The following DYNC1I1 variants were observed in gnomAD, a reference collection of about 807,000 sequenced individuals.
DYNC1I1 encodes cytoplasmic dynein 1 intermediate chain 1.
Under a neutral mutation model 86.6 loss-of-function variants are expected in DYNC1I1, and 43 were observed. The ratio of observed to expected loss-of-function variants is 0.50; its 90% CI spans 0.39 to 0.64. DYNC1I1 has a LOEUF of 0.64. Ranked by LOEUF, DYNC1I1 falls within the 30% of genes least tolerant of loss-of-function variation. DYNC1I1 has a pLI of 0.00. For missense variants in DYNC1I1, 604 were observed against 788.8 expected (o/e 0.77, Z 2.81); for synonymous variants, 262 against 283.7 (o/e 0.92, Z 0.77).
chr7:96,076,646 C>A (rs1790349758), intron 15 of DYNC1I1, among the ~76,000 whole-genome samples: 1 of 152,158 alleles, frequency 6.6e-6, no homozygotes, highest in Non-Finnish European at 1.5e-5. Context: ...CCACAAAAGA[C>A]GATTCTGTTG....
chr7:95,980,396 A>C (rs1584221487), intron 7 of DYNC1I1, among the ~76,000 whole-genome samples: 1 of 152,162 alleles, frequency 6.6e-6, no homozygotes, highest in East Asian at 1.9e-4. Flanking sequence ...ACACGACTGC[A>C]TAGTAGTTAG....
intron 6 of DYNC1I1, among the ~76,000 whole-genome samples, chr7:95,879,579 G>A (rs1236998964): frequency 6.6e-6 from 1 of 152,142 alleles, no homozygotes; most frequent in East Asian, 1.9e-4. Flanking sequence ...AAGCAAGAAA[G>A]AAAGTCATAA....
chr7:96,026,162 A>C (rs1185385872), intron 10 of DYNC1I1, among the ~76,000 whole-genome samples: 2 of 152,168 alleles, frequency 1.3e-5, no homozygotes, highest in Non-Finnish European at 2.9e-5. Flanking sequence ...CTTGAACTTT[A>C]TGAAAACCAG....
intron 8 of DYNC1I1, among the ~76,000 whole-genome samples, chr7:95,985,203 T>G (rs971260915): frequency 6.6e-6 from 1 of 152,186 alleles, no homozygotes; most frequent in Admixed American, 6.5e-5. Context: ...GAACTTGGTA[T>G]CTGGGGAACA....
intron 9 of DYNC1I1, among the ~76,000 whole-genome samples, chr7:95,988,222 C>T: frequency 1.3e-5 from 2 of 152,134 alleles, no homozygotes; most frequent in East Asian, 3.9e-4. Flanking sequence ...ACTAAAAATG[C>T]AAAAAGTAGC....
At chr7:95,894,728 T>C (rs1037463419) in intron 6 of DYNC1I1, among the ~76,000 whole-genome samples, 3 of 152,208 alleles carry the variant, frequency 2.0e-5, no homozygotes, top group African/African-American at 7.2e-5. Flanking sequence ...AGCATAAAAA[T>C]CTGTGCTTCG....
At chr7:95,936,024 C>T (rs942043267) in intron 6 of DYNC1I1, among the ~76,000 whole-genome samples, 2 of 151,886 alleles carry the variant, frequency 1.3e-5, no homozygotes, top group South Asian at 4.1e-4. Context: ...CAGATAATTT[C>T]TTTCTTTCCA....
At chr7:95,932,943 C>T (rs1345053264) in intron 6 of DYNC1I1, among the ~76,000 whole-genome samples, 1 of 148,170 alleles carries the variant, frequency 6.7e-6, no homozygotes, top group Non-Finnish European at 1.5e-5. Flanking sequence ...TACAGTGGCA[C>T]AATCATAGCT....
chr7:95,826,022 T>G (rs1795195072), intron 4 of DYNC1I1, among the ~76,000 whole-genome samples: 1 of 152,160 alleles, frequency 6.6e-6, no homozygotes, highest in Admixed American at 6.5e-5. Flanking sequence ...CTTATGTAAG[T>G]CAAGTCATTG....
At chr7:95,894,868 C>T (rs60497002) in intron 6 of DYNC1I1, among the ~76,000 whole-genome samples, 16,993 of 152,066 alleles carry the variant, frequency 0.11, 1,045 homozygotes, top group South Asian at 0.22. Context: ...GCAGTTGAGG[C>T]AAAACTTCTT....
At chr7:95,943,339 G>A (rs1347459627) in intron 6 of DYNC1I1, among the ~76,000 whole-genome samples, 2 of 151,654 alleles carry the variant, frequency 1.3e-5, no homozygotes, top group Non-Finnish European at 2.9e-5. Context: ...CCTCTTCAAG[G>A]AGAACTACAA....
At chr7:95,873,844 C>T (rs1354747552) in intron 6 of DYNC1I1, among the ~76,000 whole-genome samples, 3 of 152,238 alleles carry the variant, frequency 2.0e-5, no homozygotes, top group African/African-American at 7.2e-5. Context: ...TTCAATTTCC[C>T]ATTATTTCCT....
At chr7:95,903,368 C>T (rs929799234) in intron 6 of DYNC1I1, among the ~76,000 whole-genome samples, 41 of 152,114 alleles carry the variant, frequency 2.7e-4, no homozygotes, top group African/African-American at 9.4e-4. Flanking sequence ...AGTGTGGCAC[C>T]TTGTATTTTC....
At chr7:95,880,956 C>T (rs538758290) in intron 6 of DYNC1I1, among the ~76,000 whole-genome samples, 4 of 152,204 alleles carry the variant, frequency 2.6e-5, no homozygotes, top group African/African-American at 9.6e-5. Flanking sequence ...GTTATTTTGG[C>T]CTCCCTCCAT....
At chr7:96,082,596 CTTTA>C (rs1380023604) in intron 16 of DYNC1I1, among the ~76,000 whole-genome samples, 1 of 151,976 alleles carries the variant, frequency 6.6e-6, no homozygotes, top group Non-Finnish European at 1.5e-5. Flanking sequence ...TTTGGAAAGT[CTTTA>C]TTTTGACTTA....
chr7:95,867,387 A>G (rs771488277), intron 5 of DYNC1I1, among the ~76,000 whole-genome samples: 4 of 152,232 alleles, frequency 2.6e-5, no homozygotes, highest in Non-Finnish European at 4.4e-5. Context: ...TACAGATAAG[A>G]AACATGAGGC....
intron 14 of DYNC1I1, among the ~76,000 whole-genome samples, chr7:96,069,032 GC>G (rs1001728967): frequency 6.6e-6 from 1 of 151,960 alleles, no homozygotes; most frequent in African/African-American, 2.4e-5. Flanking sequence ...AGGCTTCCAG[GC>G]CCTGATACAA....
intron 6 of DYNC1I1, among the ~76,000 whole-genome samples, chr7:95,926,050 C>T (rs1391665373): frequency 6.6e-6 from 1 of 152,130 alleles, no homozygotes; most frequent in Non-Finnish European, 1.5e-5. Flanking sequence ...GTGCATTAAG[C>T]AGCTCCAGAG....
Position 95,912,445 on chromosome 7 carries a change from C to T in DYNC1I1, c.490+42447C>T, listed in dbSNP as rs371182636. Among the ~76,000 whole-genome samples the T allele has an allele frequency of 3.3e-4, 50 of 152,272 alleles. 1 individual carries two copies. The highest frequency in any genetic ancestry group is 9.6e-4 in the African/African-American group (40 of 41,552). The stretch of plus-strand genomic sequence containing the variant: ...GGTATGAGGACATTTGCCTTTGATA[C>T]GTTTAATCTCTCTTGTTCAGGGTGT... On this transcript the variant is annotated intron_variant, in intron 6 of 16. Transcript: ENST00000447467.
Sources: gnomAD v4.1 joint callset for allele counts (sites outside exome capture counted in the v4.1 genomes callset) on GRCh38, gnomAD v4.1.1 for gene constraint, MANE v1.5 for transcripts, NCBI Gene and HGNC (gene_info 2026-07-23, HGNC 2026-07-21) for gene names.